Variants in KCNH1 observed in about 807,000 individuals in gnomAD.
KCNH1 encodes voltage-gated delayed rectifier potassium channel KCNH1.
KCNH1 carries 27 observed loss-of-function variants against 69.2 expected under a neutral mutation model. That is an observed-to-expected ratio of 0.39 (90% CI 0.29 to 0.54). The LOEUF is 0.54. KCNH1 is among the 20% of genes least tolerant of loss of function. KCNH1 has a pLI of 0.68. For synonymous variants in KCNH1, 456 were observed against 487.7 expected (o/e 0.93, Z 0.86); for missense variants, 798 against 1,261.6 (o/e 0.63, Z 5.57).
rs577134994 is a variant in KCNH1, at chr1:211,034,119, T to C, written c.559-14863A>G. Reference sequence around the variant, plus strand: ...AGAAGAATGAAAACTTATGTTCACATAAAAACTTGTACATGAATGTTTATA... The same window carrying C: ...AGAAGAATGAAAACTTATGTTCACACAAAAACTTGTACATGAATGTTTATA... On this transcript the variant is annotated intron_variant, in intron 5 of 10. Transcript: ENST00000271751. Among the ~76,000 whole-genome samples, 5 of 152,324 alleles carry C rather than the reference T, an allele frequency of 3.3e-5. No homozygotes were observed. The South Asian group carries it at 8.3e-4, about 25-fold the overall frequency.
intron 7 of KCNH1, among the ~76,000 whole-genome samples, chr1:210,821,943 C>G (rs1223995168): frequency 6.6e-6 from 1 of 151,918 alleles, no homozygotes. Context: ...CTCAAGTAAT[C>G]CTCCCACCTC....
intron 5 of KCNH1, among the ~76,000 whole-genome samples, chr1:211,052,262 G>A (rs1690221000): frequency 6.6e-6 from 1 of 152,222 alleles, no homozygotes. Flanking sequence ...CTTTAGGGCT[G>A]GAAGGCAACA....
intron 9 of KCNH1, among the ~76,000 whole-genome samples, chr1:210,776,803 C>A (rs1376640320): frequency 1.3e-5 from 2 of 152,164 alleles, no homozygotes; most frequent in East Asian, 1.9e-4. Context: ...TTTATCAAAT[C>A]GTCTCTAACC....
chr1:210,845,627 G>A (rs1429798876), intron 7 of KCNH1, among the ~76,000 whole-genome samples: 4 of 152,148 alleles, frequency 2.6e-5, no homozygotes, highest in African/African-American at 4.8e-5. Context: ...ATATCACACT[G>A]AATGGGCAAA....
At chr1:210,952,853 T>A (rs1417860370) in intron 6 of KCNH1, among the ~76,000 whole-genome samples, 4 of 152,226 alleles carry the variant, frequency 2.6e-5, no homozygotes, top group Non-Finnish European at 5.9e-5. Flanking sequence ...ATTATTGGTG[T>A]CTCTACTCTT....
intron 6 of KCNH1, among the ~76,000 whole-genome samples, chr1:210,935,444 A>G (rs1687760617): frequency 6.6e-6 from 1 of 152,202 alleles, no homozygotes; most frequent in African/African-American, 2.4e-5. Context: ...CTAGTACCCT[A>G]TAGCACTGCA....
intron 7 of KCNH1, among the ~76,000 whole-genome samples, chr1:210,826,022 T>C (rs1363253204): frequency 1.3e-5 from 2 of 152,246 alleles, no homozygotes; most frequent in East Asian, 3.8e-4. Context: ...TACTGAAATA[T>C]AAATTTATGT....
intron 6 of KCNH1, among the ~76,000 whole-genome samples, chr1:211,014,989 T>C (rs1333297163): frequency 1.3e-5 from 2 of 151,952 alleles, no homozygotes; most frequent in African/African-American, 4.8e-5. Flanking sequence ...GTGCCCTTCA[T>C]GGGCTCTCCA....
intron 10 of KCNH1, among the ~76,000 whole-genome samples, chr1:210,718,458 C>A (rs57684957): frequency 1.2e-4 from 2 of 16,198 alleles, no homozygotes; most frequent in South Asian, 2.0e-3. Context: ...AAAATATATA[C>A]ATATATGTAT....
At chr1:210,883,781 T>C (rs1338491678) in intron 7 of KCNH1, among the ~76,000 whole-genome samples, 1 of 152,232 alleles carries the variant, frequency 6.6e-6, no homozygotes, top group African/African-American at 2.4e-5. Context: ...CAAGCAAGCT[T>C]GGTGGAGGTT....
At chr1:210,809,567 C>G (rs939409231) in intron 7 of KCNH1, among the ~76,000 whole-genome samples, 1 of 152,036 alleles carries the variant, frequency 6.6e-6, no homozygotes, top group East Asian at 1.9e-4. Context: ...CCCATGGGAC[C>G]CATGTTCAAA....
chr1:210,708,774 T>G (rs768387398), intron 10 of KCNH1, among the ~76,000 whole-genome samples: 3 of 152,176 alleles, frequency 2.0e-5, no homozygotes, highest in Non-Finnish European at 4.4e-5. Context: ...TGTTGTAACA[T>G]TCAGATTCCC....
intron 5 of KCNH1, among the ~76,000 whole-genome samples, chr1:211,042,804 A>C (rs1484950288): frequency 6.6e-6 from 1 of 152,238 alleles, no homozygotes; most frequent in Non-Finnish European, 1.5e-5. Flanking sequence ...ACTGGAAATC[A>C]ACTCCAAAAG....
At chr1:211,001,455 C>T (rs1272459390) in intron 6 of KCNH1, among the ~76,000 whole-genome samples, 19 of 152,078 alleles carry the variant, frequency 1.2e-4, no homozygotes, top group Admixed American at 1.2e-3. Flanking sequence ...AAATCAAAAC[C>T]ACAATGAGAT....
chr1:211,077,088 C>T (rs937113185), intron 5 of KCNH1, among the ~76,000 whole-genome samples: 7 of 152,224 alleles, frequency 4.6e-5, no homozygotes, highest in Admixed American at 1.3e-4. Flanking sequence ...TGAACAAAGC[C>T]TCCAAGAAAT....
chr1:210,733,491 T>G (rs1233575127), intron 10 of KCNH1, among the ~76,000 whole-genome samples: 1 of 152,180 alleles, frequency 6.6e-6, no homozygotes. Flanking sequence ...CATAAACAAT[T>G]AATTGATCTG....
At chr1:210,754,640 G>A (rs1322690372) in intron 10 of KCNH1, among the ~76,000 whole-genome samples, 5 of 151,848 alleles carry the variant, frequency 3.3e-5, no homozygotes, top group Non-Finnish European at 7.4e-5. Flanking sequence ...TGCTTTTACC[G>A]TGTGACGTGC....
chr1:210,987,246 G>C (rs530138668), intron 6 of KCNH1, among the ~76,000 whole-genome samples: 24 of 152,216 alleles, frequency 1.6e-4, no homozygotes, highest in African/African-American at 5.1e-4. Flanking sequence ...CTTTAGCTCG[G>C]AGTAGTTTGA....
intron 6 of KCNH1, among the ~76,000 whole-genome samples, chr1:210,981,876 GGGGCCAGGGGAATGTGTA>G (rs1177186534): frequency 6.6e-6 from 1 of 152,160 alleles, no homozygotes; most frequent in East Asian, 1.9e-4. Flanking sequence ...AGGGTAAAGA[GGGGCCAGGGGAATGTGTA>G]TGTGTGGTCA....
Sources: allele counts gnomAD v4.1 joint callset (sites outside exome capture counted in the v4.1 genomes callset), GRCh38; gene constraint gnomAD v4.1.1; transcripts MANE v1.5; gene names NCBI Gene and HGNC (gene_info 2026-07-23, HGNC 2026-07-21).